B4GALNT4: variants seen among roughly 807,000 people sequenced by gnomAD.
B4GALNT4 encodes the protein beta-1,4-N-acetyl-galactosaminyltransferase 4.
B4GALNT4 carries 77 observed loss-of-function variants against 110.0 expected under a neutral mutation model. That is an observed-to-expected ratio of 0.70 (90% CI 0.58 to 0.85). The LOEUF is 0.85. Ranked by LOEUF, B4GALNT4 falls within the 40% of genes least tolerant of loss-of-function variation. The pLI, the probability that B4GALNT4 is intolerant of heterozygous loss-of-function variation, is 0.00. For synonymous variants in B4GALNT4, 785 were observed against 655.5 expected (o/e 1.20, Z -3.02); for missense variants, 1,575 against 1,506.0 (o/e 1.05, Z -0.76).
At chr11:381,306 C>T (rs535366963) in intron 19 of B4GALNT4, among the ~76,000 whole-genome samples, 12 of 151,498 alleles carry the variant, frequency 7.9e-5, no homozygotes, top group African/African-American at 2.2e-4. Flanking sequence ...CCTCTCCGCC[C>T]CCGGCCCCGG....
chr11:372,805 C>T (rs779447219), intron 3 of B4GALNT4, 47 bp from the exon 4 acceptor site: 70 of 85,434 alleles, frequency 8.2e-4, no homozygotes, highest in African/African-American at 6.4e-3. Flanking sequence ...GGGGCTGGGG[C>T]GGGGGGGCGG....
In B4GALNT4 at chr11:372,141, C is replaced by CG. The variant is rs1331097095; in HGVS notation, c.190dup (p.Val64GlyfsTer11). The CG allele has an allele frequency of 7.1e-6, 11 of 1,549,172 alleles. No individual in the cohort carries two copies. The highest frequency in any genetic ancestry group is 9.6e-6 in the Non-Finnish European group (11 of 1,146,526). On this transcript the variant is annotated frameshift_variant, in exon 2 of 20. Coordinates refer to ENST00000329962, the MANE Select transcript of B4GALNT4 (RefSeq NM_178537.5). LOFTEE classifies it high-confidence loss of function. ...GAAGCTGACCAGTGAGACCGACGGC[C>CG]GGGGGGTCCACGCTGCGCCATCCAC...
chr11:375,351 C>T lies in B4GALNT4; in HGVS notation c.784-110C>T, dbSNP rs953048930. 18 of 1,137,304 alleles carry T rather than the reference C, an allele frequency of 1.6e-5. No individual in the cohort carries two copies. In the African/African-American group the frequency reaches 2.7e-4, roughly 17 times the overall value. The allele number at this position is 1,137,304 out of a possible 1,614,324, so 70.5% of individuals were successfully genotyped here. On this transcript the variant is annotated intron_variant, in intron 8 of 19. Coordinates refer to ENST00000329962, the MANE Select transcript of B4GALNT4 (RefSeq NM_178537.5). Reference sequence around the variant, plus strand: ...CCTCTGCCATCTCCTCTCCTGCATCCTTTAAGGGATTGGTCCTATTAGTCC... The same window carrying T: ...CCTCTGCCATCTCCTCTCCTGCATCTTTTAAGGGATTGGTCCTATTAGTCC...
chr11:376,816 C>T lies in B4GALNT4; in HGVS notation c.1693C>T (p.Leu565=). 1.5e-6 allele frequency: 2 copies of T among 1,358,420 alleles called. No individual in the cohort carries two copies. Among genetic ancestry groups the T allele is most frequent in the South Asian group, 1.6e-5 (1 of 63,222 alleles). 84.1% of individuals were successfully genotyped at this position (1,358,420 alleles called of 1,614,324 possible). A position where few individuals can be genotyped will look rare whatever the true frequency, so the allele number is the denominator to read the frequency against. The change falls in exon 14 of 20, where the codon CTG becomes TTG. Residue 565 remains leucine (L), a synonymous_variant. Coordinates refer to ENST00000329962, the MANE Select transcript of B4GALNT4 (RefSeq NM_178537.5). ...LHPRPLPRVQ[L]RAPPRPPRPH... is the part of the protein sequence containing the mutation. The stretch of plus-strand genomic sequence containing the variant: ...CCCCAGGCCTCTGCCCAGAGTGCAG[C>T]TGCGGGCGCCCCCACGCCCACCCCG...
In B4GALNT4 at chr11:377,089, G is replaced by T; in HGVS notation, c.1966G>T (p.Gly656Cys). The change falls in exon 14 of 20, where the codon GGC becomes TGC. Residue 656 changes from glycine to cysteine, a missense_variant. Physicochemically the swap from Gly to Cys is radical, Grantham distance 159 (BLOSUM62 -3). Transcript: ENST00000329962. ...GGAAGGGGAGGACGATGGGGCCCCG[G>T]GCGACGAGGCCGCGTCGGAGGACAG... Reference protein sequence around the residue: ...EEEGEDDGAPGDEAASEDSEE... With the variant: ...EEEGEDDGAPCDEAASEDSEE... 6.9e-7 allele frequency: 1 copy of T among 1,452,502 alleles called. No homozygotes were observed. Among genetic ancestry groups the T allele is most frequent in the Non-Finnish European group, 9.1e-7 (1 of 1,102,912 alleles). The allele number at this position is 1,452,502 out of a possible 1,614,324, so 90.0% of individuals were successfully genotyped here.
intron 7 of B4GALNT4, 97 bp from the exon 8 acceptor site, chr11:373,653 C>T: frequency 1.0e-5 from 16 of 1,524,652 alleles, no homozygotes; most frequent in Non-Finnish European, 1.4e-5. Context: ...CTCCTGAGGG[C>T]CAGCCCTGAG....
At chr11:374,384 C>T (rs1846682600) in intron 8 of B4GALNT4, among the ~76,000 whole-genome samples, 3 of 149,512 alleles carry the variant, frequency 2.0e-5, no homozygotes, top group African/African-American at 7.4e-5. Context: ...TACAGCAAGG[C>T]AGAGGGCCTG....
intron 14 of B4GALNT4, 91 bp downstream of exon 14, chr11:377,418 C>CCTG: frequency 7.4e-7 from 1 of 1,342,778 alleles, no homozygotes; most frequent in Non-Finnish European, 9.7e-7. Context: ...CTCCTCAGAC[C>CCTG]TTCCCCAGGG....
In B4GALNT4 at chr11:375,144, GAGGGAGGAGGA is replaced by G. The variant is rs1846713112; in HGVS notation, c.784-309_784-299del. ...AGGAGGAAGGGAGGGAGGAGGAAGG[GAGGGAGGAGGA>G]AGGGAGGGAGGTGGAAGGGAGGGAG... is the stretch of plus-strand genomic sequence containing the variant. On this transcript the variant is annotated intron_variant, in intron 8 of 19. Transcript: ENST00000329962. Among the ~76,000 whole-genome samples the G allele has an allele frequency of 5.4e-4, 25 of 46,040 alleles. 2 individuals carry two copies. The highest frequency in any genetic ancestry group is 1.1e-3 in the Admixed American group (7 of 6,268). 30.2% of individuals were successfully genotyped at this position (46,040 alleles called of 152,430 possible).
At position 377,045 on chromosome 11, in the gene B4GALNT4, G is replaced by C. The variant is rs1354009241; in HGVS notation, c.1922G>C (p.Gly641Ala). The C allele has an allele frequency of 4.2e-6, 6 of 1,439,296 alleles. No homozygotes were observed. The Admixed American group carries it at 1.8e-4, about 42-fold the overall frequency. 89.2% of individuals were successfully genotyped at this position (1,439,296 alleles called of 1,614,324 possible). The change falls in exon 14 of 20, where the codon GGG becomes GCG. Residue 641 changes from glycine (G) to alanine (A), a missense_variant. Gly to Ala is a moderately conservative substitution (Grantham distance 60). Coordinates refer to ENST00000329962, the MANE Select transcript of B4GALNT4 (RefSeq NM_178537.5). ...CAGGTGTCCGGGCCGCAGCTGCCCGGGGAGGGCGAAGAGGAGGAGGAAGGG... is the reference window on the plus strand; with the variant it reads ...CAGGTGTCCGGGCCGCAGCTGCCCGCGGAGGGCGAAGAGGAGGAGGAAGGG... ...LSQVSGPQLPGEGEEEEEGED... is the reference protein window; with the variant it reads ...LSQVSGPQLPAEGEEEEEGED...
chr11:376,582 AC>A lies in B4GALNT4; in HGVS notation c.1464del (p.Arg489GlyfsTer6). On this transcript the variant is annotated frameshift_variant, in exon 14 of 20. Coordinates refer to ENST00000329962, the MANE Select transcript of B4GALNT4 (RefSeq NM_178537.5). LOFTEE classifies it high-confidence loss of function. The part of the protein sequence containing the change: ...PTPPRPRDGG[T>X]PRHSRALSWA... ...CCCTCCCCGCCCCCGGGACGGGGGG[AC>A]CCCCAGGCACTCCCGGGCCCTGAGC... 8.1e-7 allele frequency: 1 copy of A among 1,229,938 alleles called. No homozygotes were observed. Among genetic ancestry groups the A allele is most frequent in the Non-Finnish European group, 1.0e-6 (1 of 993,298 alleles). The allele number at this position is 1,229,938 out of a possible 1,614,324, so 76.2% of individuals were successfully genotyped here.
chr11:376,038 T>C (rs1846740455), intron 11 of B4GALNT4, 36 bp from the exon 12 acceptor site: 1 of 1,601,804 alleles, frequency 6.2e-7, no homozygotes. Context: ...CCCCGGGAGG[T>C]CCGCGCCCTG....
Position 369,642 on chromosome 11 carries a change from T to G in B4GALNT4, c.-162T>G, listed in dbSNP as rs1846573346. ...CGCGGCCGAGGGCGGCCTGGGGGGGTCGCGGCCGCACCCGGTGGCCGCGCA... is the reference window on the plus strand; with the variant it reads ...CGCGGCCGAGGGCGGCCTGGGGGGGGCGCGGCCGCACCCGGTGGCCGCGCA... On this transcript the variant is annotated 5_prime_UTR_variant, in exon 1 of 20. Transcript: ENST00000329962. Among the ~76,000 whole-genome samples, 1 of 137,880 alleles carries G rather than the reference T, an allele frequency of 7.3e-6. No individual in the cohort carries two copies. Among genetic ancestry groups the G allele is most frequent in the South Asian group, 2.3e-4 (1 of 4,284 alleles). 90.5% of individuals were successfully genotyped at this position (137,880 alleles called of 152,430 possible). A position where few individuals can be genotyped will look rare whatever the true frequency, so the allele number is the denominator to read the frequency against.
Position 376,049 on chromosome 11 carries a change from AGCCCTGC to A in B4GALNT4, c.1096-20_1096-14del, listed in dbSNP as rs768014937. Reference sequence around the variant, plus strand: ...GCCGCCCCGGGAGGTCCGCGCCCTGAGCCCTGCGCCCCCCCACCCCCCAGGTGTACCT... The same window carrying A: ...GCCGCCCCGGGAGGTCCGCGCCCTGAGCCCCCCCACCCCCCAGGTGTACCT... On this transcript the variant is annotated intron_variant, in intron 11 of 19. Coordinates refer to ENST00000329962, the MANE Select transcript of B4GALNT4 (RefSeq NM_178537.5). The A allele has an allele frequency of 3.1e-6, 5 of 1,602,800 alleles. No homozygotes were observed. The East Asian group carries it at 8.9e-5, about 29-fold the overall frequency.
At chr11:379,842 C>A in intron 15 of B4GALNT4, 24 bp from the exon 16 acceptor site, 4 of 1,523,180 alleles carry the variant, frequency 2.6e-6, no homozygotes, top group Admixed American at 2.0e-5. Flanking sequence ...CGGCTCAGCG[C>A]CCCCCCCGCC....
Position 372,645 on chromosome 11 carries a change from C to T in B4GALNT4, c.256-17C>T. On this transcript the variant is annotated splice_polypyrimidine_tract_variant and intron_variant, in intron 2 of 19. Coordinates refer to ENST00000329962, the MANE Select transcript of B4GALNT4 (RefSeq NM_178537.5). ...TGCCCTTCCAACCCTGACCCTGTTG[C>T]CTTTTCTCTCCTGCAGCCCGAAGGT... 6.2e-7 allele frequency: 1 copy of T among 1,607,274 alleles called. No homozygotes were observed. The highest frequency in any genetic ancestry group is 8.5e-7 in the Non-Finnish European group (1 of 1,176,724).
chr11:372,715 A>G lies in B4GALNT4; in HGVS notation c.309A>G (p.Pro103=), dbSNP rs371239291. 2 of 1,609,412 alleles carry G rather than the reference A, an allele frequency of 1.2e-6. No individual in the cohort carries two copies. The highest frequency in any genetic ancestry group is 1.7e-6 in the Non-Finnish European group (2 of 1,179,210). The change falls in exon 3 of 20, where the codon CCA becomes CCG. Residue 103 remains proline, a synonymous_variant. Coordinates refer to ENST00000329962, the MANE Select transcript of B4GALNT4 (RefSeq NM_178537.5). ...TTCCTGGGGGGGCTGGGAGGCTGCC[A>G]CTGAACTTCACCCATCAGACACCCC... ...MLFPGGAGRL[P]LNFTHQTPPW... is the part of the protein sequence containing the mutation.
At chr11:373,426 A>G (rs780861666) in intron 6 of B4GALNT4, 23 bp from the exon 7 acceptor site, 4 of 1,013,686 alleles carry the variant, frequency 3.9e-6, no homozygotes, top group East Asian at 2.5e-5. Context: ...CCCCACCACC[A>G]CCCCTGCTCT....
chr11:376,302 TGAA>T lies in B4GALNT4; in HGVS notation c.1254_1256del (p.Glu418del). 1 of 1,610,462 alleles carries T rather than the reference TGAA, an allele frequency of 6.2e-7. No individual in the cohort carries two copies. The highest frequency in any genetic ancestry group is 8.5e-7 in the Non-Finnish European group (1 of 1,178,580). On this transcript the variant is annotated inframe_deletion, in exon 13 of 20. Coordinates refer to ENST00000329962, the MANE Select transcript of B4GALNT4 (RefSeq NM_178537.5). ...TGGACAAGGAGGAGGGGGATGAGGA[TGAA>T]GAAGACGAGGTGCAGCGCCGAGCCT...
Sources: allele counts gnomAD v4.1 joint callset (sites outside exome capture counted in the v4.1 genomes callset), GRCh38; gene constraint gnomAD v4.1.1; transcripts MANE v1.5; gene names NCBI Gene and HGNC (gene_info 2026-07-23, HGNC 2026-07-21).